MAGI2: variants seen among roughly 807,000 people sequenced by gnomAD.
MAGI2 encodes membrane associated guanylate kinase, WW and PDZ domain containing 2.
Under a neutral mutation model 133.3 loss-of-function variants are expected in MAGI2, and 35 were observed. The ratio of observed to expected loss-of-function variants is 0.26; its 90% CI spans 0.20 to 0.35. The LOEUF (loss-of-function observed/expected upper bound fraction) is 0.35. Ranked by LOEUF, MAGI2 falls within the 10% of genes least tolerant of loss-of-function variation. MAGI2 has a pLI of 1.00. For synonymous variants in MAGI2, 729 were observed against 710.6 expected, an observed-to-expected ratio of 1.03 and a Z score of -0.41; for missense variants, 1,636 against 1,863.4, an observed-to-expected ratio of 0.88 and a Z score of 2.25.
At chr7:78,883,785 G>A (rs1261494029) in intron 2 of MAGI2, among the ~76,000 whole-genome samples, 1 of 152,172 alleles carries the variant, frequency 6.6e-6, no homozygotes, top group Non-Finnish European at 1.5e-5. Flanking sequence ...CTGGTGCTGG[G>A]ATAACTGGCT....
At chr7:79,360,608 T>C (rs1394006576) in intron 1 of MAGI2, among the ~76,000 whole-genome samples, 1 of 151,990 alleles carries the variant, frequency 6.6e-6, no homozygotes, top group East Asian at 1.9e-4. Context: ...GGAAGTGAAG[T>C]TTCCACACTT....
intron 20 of MAGI2, among the ~76,000 whole-genome samples, chr7:78,109,255 C>G (rs1377159853): frequency 6.2e-4 from 69 of 112,172 alleles, no homozygotes; most frequent in Admixed American, 1.0e-3. Flanking sequence ...AGTGAGCCGA[C>G]ATCGAGCCAC....
chr7:78,173,913 T>C (rs555956052), intron 14 of MAGI2, among the ~76,000 whole-genome samples: 1 of 152,134 alleles, frequency 6.6e-6, no homozygotes, highest in Non-Finnish European at 1.5e-5. Context: ...TAAATTTAAT[T>C]TTCAAGAGAA....
intron 21 of MAGI2, among the ~76,000 whole-genome samples, chr7:78,077,464 G>A (rs1396764415): frequency 6.6e-6 from 1 of 151,400 alleles, no homozygotes; most frequent in Non-Finnish European, 1.5e-5. Flanking sequence ...TAGGAATCTG[G>A]AATGAAATGT....
chr7:78,580,832 A>G (rs1319569922), intron 3 of MAGI2, among the ~76,000 whole-genome samples: 1 of 152,226 alleles, frequency 6.6e-6, no homozygotes, highest in East Asian at 1.9e-4. Flanking sequence ...ATTTTTAAAC[A>G]AAAACATAAA....
intron 1 of MAGI2, among the ~76,000 whole-genome samples, chr7:79,302,468 G>A (rs930350034): frequency 1.3e-5 from 2 of 152,118 alleles, no homozygotes; most frequent in African/African-American, 4.8e-5. Context: ...ATTCCAGTAG[G>A]GGATAAATTG....
intron 1 of MAGI2, among the ~76,000 whole-genome samples, chr7:79,047,987 C>T (rs572142613): frequency 3.0e-4 from 46 of 152,238 alleles, no homozygotes; most frequent in African/African-American, 1.0e-3. Context: ...TTTCCCACTA[C>T]GATGGCCTAT....
At chr7:78,367,099 A>AC (rs1793454240) in intron 7 of MAGI2, among the ~76,000 whole-genome samples, 2 of 122,034 alleles carry the variant, frequency 1.6e-5, no homozygotes, top group African/African-American at 7.1e-5. Context: ...TAATGTAGGC[A>AC]AACACACACA....
intron 2 of MAGI2, among the ~76,000 whole-genome samples, chr7:78,706,154 C>G (rs562895921): frequency 6.6e-6 from 1 of 152,068 alleles, no homozygotes; most frequent in South Asian, 2.1e-4. Context: ...GTGTCCCCCC[C>G]CAAATCTCAA....
intron 2 of MAGI2, among the ~76,000 whole-genome samples, chr7:78,920,835 C>G (rs533363502): frequency 6.6e-6 from 1 of 152,152 alleles, no homozygotes; most frequent in Admixed American, 6.6e-5. Context: ...CAAAATACTA[C>G]TAAACATTAA....
intron 9 of MAGI2, among the ~76,000 whole-genome samples, chr7:78,300,328 G>T (rs1204782019): frequency 6.6e-6 from 1 of 152,130 alleles, no homozygotes; most frequent in African/African-American, 2.4e-5. Flanking sequence ...GTAATCCTCT[G>T]ATTTTATGCA....
chr7:78,978,034 C>G (rs377297250), intron 2 of MAGI2, among the ~76,000 whole-genome samples: 7 of 151,630 alleles, frequency 4.6e-5, no homozygotes, highest in African/African-American at 1.7e-4. Context: ...CAATTGTCAG[C>G]AAAATGTGGA....
At chr7:79,364,813 A>G (rs1194356717) in intron 1 of MAGI2, among the ~76,000 whole-genome samples, 1 of 152,048 alleles carries the variant, frequency 6.6e-6, no homozygotes, top group Non-Finnish European at 1.5e-5. Context: ...ATATAAAACA[A>G]AAACACTTTT....
chr7:79,419,566 C>A (rs1163636272), intron 1 of MAGI2, among the ~76,000 whole-genome samples: 5 of 151,970 alleles, frequency 3.3e-5, no homozygotes, highest in African/African-American at 9.7e-5. Context: ...GCTCAAATGA[C>A]AACAGACATC....
At chr7:78,922,163 A>AT (rs11354671) in intron 2 of MAGI2, among the ~76,000 whole-genome samples, 4,848 of 141,982 alleles carry the variant, frequency 0.034, 256 homozygotes, top group African/African-American at 0.11. Context: ...TTTATTTTTT[A>AT]TTTTTTTTTT....
intron 2 of MAGI2, among the ~76,000 whole-genome samples, chr7:78,937,629 T>C (rs1800616791): frequency 6.6e-6 from 1 of 152,156 alleles, no homozygotes; most frequent in African/African-American, 2.4e-5. Flanking sequence ...AATGCAACGA[T>C]ACTTATATAA....
intron 6 of MAGI2, among the ~76,000 whole-genome samples, chr7:78,392,352 G>A (rs1795971677): frequency 6.6e-6 from 1 of 152,148 alleles, no homozygotes. Context: ...GATGAGTTCA[G>A]GTAAAAGATG....
Position 79,365,587 on chromosome 7 carries a change from G to T in MAGI2, c.301+87433C>A, listed in dbSNP as rs529170687. 4.6e-5 allele frequency among the ~76,000 whole-genome samples: 7 copies of T among 152,148 alleles called. No homozygotes were observed. In the East Asian group the frequency reaches 1.4e-3, roughly 29 times the overall value. On this transcript the variant is annotated intron_variant, in intron 1 of 21. Coordinates refer to ENST00000354212, the MANE Select transcript of MAGI2 (RefSeq NM_012301.4). ...AAAGTAACAAAATAGGCCAGGGGCG[G>T]TGGCTCAAGCCTGCAATCCTAGCAC...
chr7:78,138,245 C>G (rs1165600830), intron 16 of MAGI2, among the ~76,000 whole-genome samples: 1 of 152,200 alleles, frequency 6.6e-6, no homozygotes, highest in South Asian at 2.1e-4. Context: ...AGGAACTAAA[C>G]ACTTCATGAG....
Sources: gnomAD v4.1 joint callset for allele counts (sites outside exome capture counted in the v4.1 genomes callset) on GRCh38, gnomAD v4.1.1 for gene constraint, MANE v1.5 for transcripts, NCBI Gene and HGNC (gene_info 2026-07-23, HGNC 2026-07-21) for gene names.